RAB28: variants seen among roughly 807,000 people sequenced by gnomAD.
RAB28 encodes the protein ras-related protein Rab-28.
Under a neutral mutation model 31.7 loss-of-function variants are expected in RAB28, and 24 were observed. That is an observed-to-expected ratio of 0.76 (90% CI 0.55 to 1.06). The LOEUF (loss-of-function observed/expected upper bound fraction) is 1.06, where lower values mean the gene tolerates loss of function less well. Among genes scored for constraint, RAB28 ranks in the 50% least tolerant of loss-of-function variants. The probability of loss-of-function intolerance (pLI) is 0.00; values close to 1 mark genes in which losing one functional copy is unlikely to be tolerated. For synonymous variants in RAB28, 100 were observed against 90.4 expected (o/e 1.11, Z -0.60); for missense variants, 254 against 258.5 (o/e 0.98, Z 0.12).
intron 4 of RAB28, among the ~76,000 whole-genome samples, chr4:13,386,868 T>C (rs1168562172): frequency 1.3e-5 from 2 of 152,100 alleles, no homozygotes; most frequent in East Asian, 1.9e-4. Context: ...ATTGACAGAT[T>C]GGATAAAGAC....
chr4:13,444,128 C>T (rs890853190), intron 4 of RAB28, among the ~76,000 whole-genome samples: 3 of 151,402 alleles, frequency 2.0e-5, no homozygotes, highest in African/African-American at 2.4e-5. Flanking sequence ...CCCGGGTTCA[C>T]GCCATTCTCC....
At chr4:13,449,503 AACT>A (rs1714857660) in intron 4 of RAB28, among the ~76,000 whole-genome samples, 1 of 151,956 alleles carries the variant, frequency 6.6e-6, no homozygotes, top group Admixed American at 6.6e-5. Context: ...CAGGGAACAC[AACT>A]TATAGGGTAC....
chr4:13,388,158 T>C (rs1281681473), intron 4 of RAB28, among the ~76,000 whole-genome samples: 1 of 152,044 alleles, frequency 6.6e-6, no homozygotes, highest in African/African-American at 2.4e-5. Context: ...AGAGCTACAT[T>C]TTATTGGTTT....
chr4:13,409,186 C>T (rs1410707286), intron 4 of RAB28, among the ~76,000 whole-genome samples: 1 of 151,970 alleles, frequency 6.6e-6, no homozygotes, highest in African/African-American at 2.4e-5. Context: ...TCCAAGTCAC[C>T]CTCAAAAAGC....
intron 3 of RAB28, among the ~76,000 whole-genome samples, chr4:13,463,613 A>G (rs1366228867): frequency 2.6e-5 from 4 of 152,198 alleles, no homozygotes; most frequent in Non-Finnish European, 5.9e-5. Flanking sequence ...AATGTGTCCC[A>G]ACATTTTTCA....
intron 4 of RAB28, among the ~76,000 whole-genome samples, chr4:13,420,756 T>C (rs187379624): frequency 9.2e-4 from 140 of 152,300 alleles, no homozygotes; most frequent in Middle Eastern, 3.4e-3. Context: ...GGAACGTATC[T>C]CAAAATAATG....
At chr4:13,447,910 A>G (rs1444708169) in intron 4 of RAB28, among the ~76,000 whole-genome samples, 2 of 152,192 alleles carry the variant, frequency 1.3e-5, no homozygotes, top group Non-Finnish European at 2.9e-5. Context: ...CTGTCTGGAA[A>G]TAACCATGTT....
intron 3 of RAB28, among the ~76,000 whole-genome samples, chr4:13,467,303 C>T (rs1398167885): frequency 6.6e-6 from 1 of 151,446 alleles, no homozygotes; most frequent in African/African-American, 2.4e-5. Flanking sequence ...CGATTATAAA[C>T]TTCCAGTTTA....
chr4:13,454,808 G>T (rs1385780613), intron 4 of RAB28, among the ~76,000 whole-genome samples: 1 of 152,134 alleles, frequency 6.6e-6, no homozygotes. Flanking sequence ...CCAGCCTGGG[G>T]GAGTACCTGC....
At chr4:13,475,303 T>C (rs959337759) in intron 2 of RAB28, among the ~76,000 whole-genome samples, 1 of 151,668 alleles carries the variant, frequency 6.6e-6, no homozygotes, top group African/African-American at 2.4e-5. Context: ...AAACTATGCT[T>C]TTTAGTTGAA....
At chr4:13,377,364 TATAGA>T (rs1377501407) in intron 5 of RAB28, among the ~76,000 whole-genome samples, 4 of 152,196 alleles carry the variant, frequency 2.6e-5, no homozygotes, top group African/African-American at 9.7e-5. Context: ...ATCACATGCT[TATAGA>T]ATATTTATCA....
At chr4:13,483,474 A>T (rs1163208076) in intron 1 of RAB28, among the ~76,000 whole-genome samples, 1 of 152,202 alleles carries the variant, frequency 6.6e-6, no homozygotes, top group African/African-American at 2.4e-5. Flanking sequence ...TACTGAGTGG[A>T]CACTGTGCTC....
At chr4:13,388,264 G>C (rs1324224267) in intron 4 of RAB28, among the ~76,000 whole-genome samples, 8 of 152,090 alleles carry the variant, frequency 5.3e-5, no homozygotes, top group Non-Finnish European at 1.0e-4. Context: ...CAACTCAGTG[G>C]GGAAAAGGAC....
At chr4:13,415,636 A>G (rs1359428325) in intron 4 of RAB28, among the ~76,000 whole-genome samples, 3 of 152,070 alleles carry the variant, frequency 2.0e-5, no homozygotes. Context: ...GCAGCCCGCC[A>G]TGCCTGAGCC....
intron 1 of RAB28, among the ~76,000 whole-genome samples, chr4:13,481,604 C>T (rs1203617953): frequency 6.6e-6 from 1 of 151,414 alleles, no homozygotes; most frequent in East Asian, 1.9e-4. Flanking sequence ...CATTTACAAA[C>T]ACTGAAAAGA....
chr4:13,407,667 G>T (rs906379954), intron 4 of RAB28, among the ~76,000 whole-genome samples: 2 of 152,114 alleles, frequency 1.3e-5, no homozygotes, highest in Non-Finnish European at 2.9e-5. Context: ...ATTTGTTTGT[G>T]TCCTCTCATT....
chr4:13,429,210 G>A (rs1414904025), intron 4 of RAB28, among the ~76,000 whole-genome samples: 1 of 152,010 alleles, frequency 6.6e-6, no homozygotes, highest in East Asian at 1.9e-4. Flanking sequence ...GCCTCCCAAA[G>A]TGCTGGGATT....
chr4:13,450,608 A>G (rs1714917629), intron 4 of RAB28, among the ~76,000 whole-genome samples: 1 of 151,968 alleles, frequency 6.6e-6, no homozygotes, highest in Admixed American at 6.6e-5. Flanking sequence ...CTTAGCTTTC[A>G]GAGTTTAGAT....
intron 4 of RAB28, among the ~76,000 whole-genome samples, chr4:13,414,030 G>A (rs1045004356): frequency 1.3e-5 from 2 of 152,066 alleles, no homozygotes; most frequent in African/African-American, 2.4e-5. Flanking sequence ...CAGAAGCCCC[G>A]TTCCACAAGA....
Sources: allele counts gnomAD v4.1 joint callset (sites outside exome capture counted in the v4.1 genomes callset), GRCh38; gene constraint gnomAD v4.1.1; transcripts MANE v1.5; gene names NCBI Gene and HGNC (gene_info 2026-07-23, HGNC 2026-07-21).